Variants in CSNK1G1 observed in about 807,000 individuals in gnomAD.
The protein encoded by CSNK1G1 is casein kinase 1 gamma 1, also known as casein kinase I isoform gamma-1.
Under a neutral mutation model 59.6 loss-of-function variants are expected in CSNK1G1, and 22 were observed. The observed-to-expected ratio is 0.37, with a 90% CI of 0.26 to 0.53. CSNK1G1 has a LOEUF of 0.53. Among genes scored for constraint, CSNK1G1 ranks in the 20% least tolerant of loss-of-function variants. The probability of loss-of-function intolerance (pLI) is 0.89; values close to 1 mark genes in which losing one functional copy is unlikely to be tolerated. For missense variants in CSNK1G1, 384 were observed against 519.5 expected, an observed-to-expected ratio of 0.74 and a Z score of 2.54; for synonymous variants, 179 against 177.1, an observed-to-expected ratio of 1.01 and a Z score of -0.08.
chr15:64,170,689 T>C lies in CSNK1G1; in HGVS notation c.*1242A>G, dbSNP rs1001027907. 2 of 152,578 alleles carry C rather than the reference T, an allele frequency of 1.3e-5. No homozygotes were observed. The highest frequency in any genetic ancestry group is 4.8e-5 in the African/African-American group (2 of 41,418). The allele number at this position is 152,578 out of a possible 1,614,324, so 9.5% of individuals were successfully genotyped here. A position where few individuals can be genotyped will look rare whatever the true frequency, so the allele number is the denominator to read the frequency against. On this transcript the variant is annotated 3_prime_UTR_variant, in exon 12 of 12. Transcript: ENST00000303052. The stretch of plus-strand genomic sequence containing the variant: ...TGGCAATATGGTGGTGGCTGTTTCA[T>C]CACTAATTTTTCCCCCAAGTCACCA...
At chr15:64,305,054 TAA>T (rs1458295262) in intron 1 of CSNK1G1, among the ~76,000 whole-genome samples, 8 of 152,182 alleles carry the variant, frequency 5.3e-5, no homozygotes, top group Admixed American at 4.6e-4. Flanking sequence ...TTTCTCCTTA[TAA>T]GTCTTTTTTT....
At chr15:64,211,035 C>T (rs1250682462) in intron 6 of CSNK1G1, among the ~76,000 whole-genome samples, 1 of 152,168 alleles carries the variant, frequency 6.6e-6, no homozygotes, top group Non-Finnish European at 1.5e-5. Context: ...GATGCAGATG[C>T]CAGTGCCATG....
chr15:64,342,091 C>T (rs1395156461), intron 1 of CSNK1G1, among the ~76,000 whole-genome samples: 1 of 152,232 alleles, frequency 6.6e-6, no homozygotes. Flanking sequence ...CGTCCCCTTG[C>T]ACTCTGTCAA....
intron 1 of CSNK1G1, among the ~76,000 whole-genome samples, chr15:64,321,789 G>A (rs1239635251): frequency 6.6e-6 from 1 of 152,142 alleles, no homozygotes; most frequent in Non-Finnish European, 1.5e-5. Flanking sequence ...TGACCATATT[G>A]TTAAATTTTC....
intron 1 of CSNK1G1, among the ~76,000 whole-genome samples, chr15:64,304,000 T>A (rs1440049899): frequency 1.3e-5 from 2 of 151,856 alleles, no homozygotes; most frequent in Admixed American, 1.3e-4. Flanking sequence ...AACAATCACT[T>A]TACTTCCCAC....
intron 4 of CSNK1G1, among the ~76,000 whole-genome samples, chr15:64,244,141 C>T (rs1891626603): frequency 6.6e-6 from 1 of 151,980 alleles, no homozygotes; most frequent in Admixed American, 6.5e-5. Context: ...TGCACTCCAG[C>T]CTGGGCGACA....
At chr15:64,244,117 C>A (rs1040521805) in intron 4 of CSNK1G1, among the ~76,000 whole-genome samples, 1 of 151,586 alleles carries the variant, frequency 6.6e-6, no homozygotes, top group African/African-American at 2.4e-5. Context: ...TGCAGTGAGC[C>A]GAGATCACGC....
At position 64,257,579 on chromosome 15, in the gene CSNK1G1, G is replaced by A. The variant is rs142633257; in HGVS notation, c.222+1622C>T. 4.3e-3 allele frequency among the ~76,000 whole-genome samples: 650 copies of A among 152,288 alleles called. 6 individuals carry two copies. Among genetic ancestry groups the A allele is most frequent in the African/African-American group, 0.015 (622 of 41,554 alleles). On this transcript the variant is annotated intron_variant, in intron 3 of 11. Coordinates refer to ENST00000303052, the MANE Select transcript of CSNK1G1 (RefSeq NM_022048.5). ...TGTCACCCAGGCTGAGTGCAGAGGT[G>A]CAAGCAATCTCAGCTCACTGCAGTC...
intron 2 of CSNK1G1, among the ~76,000 whole-genome samples, chr15:64,263,318 G>A (rs555370421): frequency 2.0e-5 from 3 of 151,744 alleles, no homozygotes; most frequent in African/African-American, 7.2e-5. Flanking sequence ...CCTCTGGAGC[G>A]GCTAGGATTA....
intron 1 of CSNK1G1, among the ~76,000 whole-genome samples, chr15:64,351,287 T>C (rs1898269661): frequency 6.6e-6 from 1 of 152,182 alleles, no homozygotes; most frequent in Non-Finnish European, 1.5e-5. Flanking sequence ...GCCAATAAAT[T>C]CAGCTGTATT....
chr15:64,306,387 T>C (rs1895686074), intron 1 of CSNK1G1, among the ~76,000 whole-genome samples: 1 of 152,112 alleles, frequency 6.6e-6, no homozygotes, highest in African/African-American at 2.4e-5. Flanking sequence ...TATATGAAAA[T>C]ATACTCAATA....
chr15:64,268,244 A>ATC lies in CSNK1G1; in HGVS notation c.182-9005_182-9004dup, dbSNP rs201547900. Among the ~76,000 whole-genome samples, 645 of 152,326 alleles carry ATC rather than the reference A, an allele frequency of 4.2e-3. 8 individuals are homozygous for ATC. The highest frequency in any genetic ancestry group is 0.015 in the African/African-American group (621 of 41,566). Reference sequence around the variant, plus strand: ...GGCACAGAAACACAAATCCTGCATCATCTCACTTATATGTGGAATCTAGGA... The same window carrying ATC: ...GGCACAGAAACACAAATCCTGCATCATCTCTCACTTATATGTGGAATCTAGGA... On this transcript the variant is annotated intron_variant, in intron 2 of 11. Transcript: ENST00000303052.
At chr15:64,338,700 CAAAAAAAAAAAAAAAA>C (rs34206192) in intron 1 of CSNK1G1, among the ~76,000 whole-genome samples, 2 of 31,532 alleles carry the variant, frequency 6.3e-5, no homozygotes, top group African/African-American at 3.7e-4. Context: ...AACTCGGTCT[CAAAAAAAAAAAAAAAA>C]AAAAAAAAAA....
intron 10 of CSNK1G1, among the ~76,000 whole-genome samples, chr15:64,198,711 T>C (rs1230324833): frequency 6.7e-6 from 1 of 148,242 alleles, no homozygotes; most frequent in Admixed American, 6.7e-5. Context: ...AAGAGAGAGA[T>C]TTGGCTGCAA....
At chr15:64,351,023 T>G (rs539191757) in intron 1 of CSNK1G1, among the ~76,000 whole-genome samples, 64 of 152,256 alleles carry the variant, frequency 4.2e-4, no homozygotes, top group African/African-American at 1.5e-3. Context: ...AAAAGTTATT[T>G]CCGGAAAATA....
At chr15:64,182,052 CGTTTTTT>C (rs2081822111) in intron 10 of CSNK1G1, 1 of 118,372 alleles carries the variant, frequency 8.4e-6, no homozygotes, top group African/African-American at 4.1e-5. Flanking sequence ...ATTAGTAACC[CGTTTTTT>C]TTTTTTTTTT....
chr15:64,226,142 C>T (rs973834501), intron 4 of CSNK1G1, among the ~76,000 whole-genome samples: 1 of 152,224 alleles, frequency 6.6e-6, no homozygotes, highest in African/African-American at 2.4e-5. Flanking sequence ...TCTGGTAACA[C>T]CTTGGCCACC....
chr15:64,346,492 T>C (rs557021909), intron 1 of CSNK1G1, among the ~76,000 whole-genome samples: 1 of 151,774 alleles, frequency 6.6e-6, no homozygotes, highest in African/African-American at 2.4e-5. Context: ...AGGTTTGCTC[T>C]TGTTGCCCAG....
intron 2 of CSNK1G1, among the ~76,000 whole-genome samples, chr15:64,273,865 C>T (rs191058426): frequency 6.8e-4 from 104 of 152,334 alleles, no homozygotes; most frequent in African/African-American, 2.5e-3. Context: ...AAATGATGCT[C>T]TTAATTAGCG....
Sources: allele counts gnomAD v4.1 joint callset (sites outside exome capture counted in the v4.1 genomes callset), GRCh38; gene constraint gnomAD v4.1.1; transcripts MANE v1.5; gene names NCBI Gene and HGNC (gene_info 2026-07-23, HGNC 2026-07-21).